The following TRDN variants were observed in gnomAD, a reference collection of about 807,000 sequenced individuals.
The protein encoded by TRDN is triadin, also known as triadin in skeletal muscle.
In TRDN, 161 loss-of-function variants were observed where a neutral mutation model predicts 149.7. That is an observed-to-expected ratio of 1.08 (90% CI 0.95 to 1.23). The LOEUF is 1.23. Ranked by LOEUF, TRDN falls within the 50% of genes most tolerant of loss-of-function variation. The pLI, the probability that TRDN is intolerant of heterozygous loss-of-function variation, is 0.00. For missense variants in TRDN, 896 were observed against 823.5 expected (o/e 1.09, Z -1.08); for synonymous variants, 294 against 250.5 (o/e 1.17, Z -1.64).
intron 23 of TRDN, among the ~76,000 whole-genome samples, chr6:123,328,625 T>C (rs1019862): frequency 0.36 from 54,524 of 151,808 alleles, 10,901 homozygotes; most frequent in African/African-American, 0.54. Flanking sequence ...CCTGAACAAG[T>C]CTCTATTTCA....
At chr6:123,443,056 T>C (rs183249398) in intron 10 of TRDN, among the ~76,000 whole-genome samples, 1 of 152,240 alleles carries the variant, frequency 6.6e-6, no homozygotes, top group Admixed American at 6.5e-5. Flanking sequence ...AAGTGAAATA[T>C]GCATCATCTT....
At chr6:123,395,846 T>C (rs1172602497) in intron 12 of TRDN, among the ~76,000 whole-genome samples, 2 of 152,186 alleles carry the variant, frequency 1.3e-5, no homozygotes, top group Non-Finnish European at 2.9e-5. Flanking sequence ...TTGGTGCAAA[T>C]GCAATTGCAG....
chr6:123,394,448 T>C (rs1364764918), intron 12 of TRDN, among the ~76,000 whole-genome samples: 1 of 152,178 alleles, frequency 6.6e-6, no homozygotes, highest in Non-Finnish European at 1.5e-5. Context: ...TTTTCAATTA[T>C]TGAATTATTA....
At chr6:123,456,387 G>T (rs376109122) in intron 10 of TRDN, among the ~76,000 whole-genome samples, 1 of 152,068 alleles carries the variant, frequency 6.6e-6, no homozygotes, top group East Asian at 1.9e-4. Flanking sequence ...AACACATTAT[G>T]TCTTCTACTT....
chr6:123,403,135 A>G (rs1033976487), intron 12 of TRDN, among the ~76,000 whole-genome samples: 1 of 152,212 alleles, frequency 6.6e-6, no homozygotes, highest in African/African-American at 2.4e-5. Flanking sequence ...CTATCAAGAA[A>G]TATATTAGTT....
chr6:123,455,561 G>A (rs994896925), intron 10 of TRDN, among the ~76,000 whole-genome samples: 1 of 152,074 alleles, frequency 6.6e-6, no homozygotes, highest in East Asian at 1.9e-4. Flanking sequence ...AATGCTCAAA[G>A]TTTACTGACT....
intron 32 of TRDN, among the ~76,000 whole-genome samples, chr6:123,267,312 T>C (rs750536855): frequency 4.6e-5 from 7 of 152,144 alleles, no homozygotes; most frequent in Admixed American, 3.3e-4. Context: ...GTAACTTCTC[T>C]TTTAAGAGGA....
At chr6:123,415,442 T>G (rs1299132936) in intron 12 of TRDN, among the ~76,000 whole-genome samples, 1 of 152,180 alleles carries the variant, frequency 6.6e-6, no homozygotes, top group Non-Finnish European at 1.5e-5. Context: ...AAACTAAGGC[T>G]CATCCATAGA....
intron 12 of TRDN, among the ~76,000 whole-genome samples, chr6:123,415,955 T>C (rs1773632372): frequency 6.6e-6 from 1 of 152,196 alleles, no homozygotes; most frequent in African/African-American, 2.4e-5. Flanking sequence ...ATAAGTATTA[T>C]TGAAAGTTTT....
Position 123,267,745 on chromosome 6 carries a change from G to T in TRDN, c.1745C>A (p.Ala582Asp). 6.4e-7 allele frequency: 1 copy of T among 1,570,612 alleles called. No individual in the cohort carries two copies. Among genetic ancestry groups the T allele is most frequent in the Non-Finnish European group, 8.6e-7 (1 of 1,158,082 alleles). The change falls in exon 32 of 41, where the codon GCT becomes GAT. Residue 582 changes from alanine (A) to aspartate (D), a missense_variant. By Grantham distance (126) the Ala-to-Asp change is moderately radical. Coordinates refer to ENST00000334268, the MANE Select transcript of TRDN (RefSeq NM_006073.4). ...KTAKPKPTKK[A>D]EHREREPPSI... ...TGGAGGTTCTCTTTCTCGATGTTCA[G>T]CTTTTTCTAGAGAAAGAAATCAAAA...
intron 12 of TRDN, among the ~76,000 whole-genome samples, chr6:123,426,764 A>C (rs1175994033): frequency 6.6e-6 from 1 of 152,156 alleles, no homozygotes; most frequent in Non-Finnish European, 1.5e-5. Context: ...TAATATAGCT[A>C]ACCGGATATG....
chr6:123,602,158 T>C (rs189077191), intron 1 of TRDN, among the ~76,000 whole-genome samples: 1 of 152,104 alleles, frequency 6.6e-6, no homozygotes, highest in Admixed American at 6.6e-5. Flanking sequence ...AAAAAATAAG[T>C]TTGAATAAAA....
chr6:123,269,927 CTG>C, intron 30 of TRDN, 61 bp from the exon 31 acceptor site: 2 of 1,520,146 alleles, frequency 1.3e-6, no homozygotes, highest in Non-Finnish European at 1.8e-6. Flanking sequence ...GAAAAAATAA[CTG>C]TTTAGTATTT....
chr6:123,273,258 T>C (rs1297606045), intron 28 of TRDN, 79 bp downstream of exon 28: 1 of 1,002,804 alleles, frequency 1.0e-6, no homozygotes, highest in East Asian at 3.6e-5. Flanking sequence ...AAGCACAGGT[T>C]GAAAATACAT....
At chr6:123,571,730 T>C (rs1782591223) in intron 1 of TRDN, among the ~76,000 whole-genome samples, 3 of 152,142 alleles carry the variant, frequency 2.0e-5, no homozygotes, top group Admixed American at 2.0e-4. Context: ...TGTACATACA[T>C]ATAAATATAT....
At chr6:123,283,795 G>A (rs1283881202) in intron 24 of TRDN, among the ~76,000 whole-genome samples, 5 of 149,832 alleles carry the variant, frequency 3.3e-5, no homozygotes, top group African/African-American at 1.2e-4. Context: ...CAGCGAGACT[G>A]AAATGATAAT....
intron 19 of TRDN, among the ~76,000 whole-genome samples, chr6:123,371,873 A>G (rs1342966045): frequency 1.3e-5 from 2 of 152,124 alleles, no homozygotes; most frequent in South Asian, 2.1e-4. Flanking sequence ...CTAGTGCTGT[A>G]TGAGTGCTGT....
chr6:123,301,752 C>CATATATATATATACATAT (rs1778410499), intron 24 of TRDN, among the ~76,000 whole-genome samples: 1 of 77,068 alleles, frequency 1.3e-5, no homozygotes, highest in Non-Finnish European at 2.6e-5. Flanking sequence ...TATATATATA[C>CATATATATATATACATAT]ATATATATAT....
chr6:123,219,433 G>T (rs1391241801), intron 40 of TRDN, among the ~76,000 whole-genome samples: 1 of 151,774 alleles, frequency 6.6e-6, no homozygotes, highest in Non-Finnish European at 1.5e-5. Context: ...CAAACTTCCA[G>T]TGTTTTCTAT....
Sources: allele counts gnomAD v4.1 joint callset (sites outside exome capture counted in the v4.1 genomes callset), GRCh38; gene constraint gnomAD v4.1.1; transcripts MANE v1.5; gene names NCBI Gene and HGNC (gene_info 2026-07-23, HGNC 2026-07-21).